TIAM1: variants seen among roughly 807,000 people sequenced by gnomAD.
The protein encoded by TIAM1 is rho guanine nucleotide exchange factor TIAM1.
A neutral mutation model predicts 163.5 loss-of-function variants in TIAM1; 65 were observed. The observed-to-expected ratio is 0.40, with a 90% CI of 0.33 to 0.49. The LOEUF is 0.49. Ranked by LOEUF, TIAM1 falls within the 20% of genes least tolerant of loss-of-function variation. The pLI is 0.77. For synonymous variants in TIAM1, 833 were observed against 810.1 expected (o/e 1.03, Z -0.48); for missense variants, 1,789 against 2,044.7 (o/e 0.87, Z 2.41).
intron 2 of TIAM1, among the ~76,000 whole-genome samples, chr21:31,421,434 T>G (rs565695877): frequency 6.6e-6 from 1 of 152,164 alleles, no homozygotes; most frequent in Admixed American, 6.6e-5. Flanking sequence ...AGGTGGGCAG[T>G]GGGCAAGCGG....
At chr21:31,273,138 G>GT (rs1293052428) in intron 3 of TIAM1, among the ~76,000 whole-genome samples, 1 of 152,166 alleles carries the variant, frequency 6.6e-6, no homozygotes, top group Admixed American at 6.5e-5. Flanking sequence ...TTAAGGGTGA[G>GT]TTTCCTATTT....
At chr21:31,185,252 G>A (rs913388769) in intron 14 of TIAM1, among the ~76,000 whole-genome samples, 3 of 151,790 alleles carry the variant, frequency 2.0e-5, no homozygotes, top group African/African-American at 7.3e-5. Context: ...AGCGAGTATA[G>A]TGGGTCGAAT....
intron 1 of TIAM1, among the ~76,000 whole-genome samples, chr21:31,548,132 C>CTT (rs553946414): frequency 1.5e-3 from 112 of 74,856 alleles, no homozygotes; most frequent in Admixed American, 1.7e-3. Context: ...TTATTTGTGT[C>CTT]TTTTTTTTTT....
chr21:31,298,304 C>T (rs1033761123), intron 2 of TIAM1, among the ~76,000 whole-genome samples: 4 of 152,170 alleles, frequency 2.6e-5, no homozygotes, highest in Non-Finnish European at 2.9e-5. Flanking sequence ...CCAACAGTAA[C>T]GAAATGGATT....
chr21:31,313,564 G>C (rs1186214791), intron 2 of TIAM1, among the ~76,000 whole-genome samples: 1 of 152,096 alleles, frequency 6.6e-6, no homozygotes, highest in Non-Finnish European at 1.5e-5. Flanking sequence ...AAAAAATTCA[G>C]GAGTTCAATA....
chr21:31,224,831 T>C (rs930405041), intron 7 of TIAM1, among the ~76,000 whole-genome samples: 3 of 152,216 alleles, frequency 2.0e-5, no homozygotes, highest in Admixed American at 6.5e-5. Context: ...ATTCATGTAA[T>C]TATTTCCTGA....
chr21:31,137,375 AT>A (rs1330461115), intron 22 of TIAM1, among the ~76,000 whole-genome samples: 6 of 152,186 alleles, frequency 3.9e-5, no homozygotes, highest in African/African-American at 7.2e-5. Context: ...GGTTAAAATA[AT>A]TTTTAAGCAG....
At chr21:31,149,398 A>G (rs1484242446) in intron 19 of TIAM1, among the ~76,000 whole-genome samples, 1 of 152,180 alleles carries the variant, frequency 6.6e-6, no homozygotes, top group Non-Finnish European at 1.5e-5. Flanking sequence ...TGGCACTCAA[A>G]AAGTTTCCAA....
intron 4 of TIAM1, among the ~76,000 whole-genome samples, chr21:31,261,017 G>A (rs1202941128): frequency 6.6e-6 from 1 of 152,116 alleles, no homozygotes; most frequent in Non-Finnish European, 1.5e-5. Context: ...AGTCATTGAA[G>A]CTCAGTTGCA....
At chr21:31,469,476 T>G (rs879880267) in intron 1 of TIAM1, among the ~76,000 whole-genome samples, 14 of 152,166 alleles carry the variant, frequency 9.2e-5, no homozygotes, top group Non-Finnish European at 1.5e-4. Flanking sequence ...TGCGATATAC[T>G]TTCCTGCCAA....
At chr21:31,425,667 CTCTT>C (rs1268395469) in intron 2 of TIAM1, among the ~76,000 whole-genome samples, 7 of 116,302 alleles carry the variant, frequency 6.0e-5, no homozygotes, top group South Asian at 3.2e-4. Flanking sequence ...CTTTCTCTCT[CTCTT>C]TCTTTCTCTC....
intron 2 of TIAM1, among the ~76,000 whole-genome samples, chr21:31,290,493 A>G (rs2073977177): frequency 6.6e-6 from 1 of 151,820 alleles, no homozygotes; most frequent in South Asian, 2.1e-4. Flanking sequence ...AAAAATATAT[A>G]AAAATTATCC....
chr21:31,185,600 A>G (rs1486117625), intron 14 of TIAM1, among the ~76,000 whole-genome samples: 2 of 144,186 alleles, frequency 1.4e-5, no homozygotes, highest in East Asian at 3.9e-4. Flanking sequence ...TATATATCAT[A>G]TAGCTATATA....
At chr21:31,348,790 T>C (rs1372731184), upstream of TIAM1, among the ~76,000 whole-genome samples, 2 of 152,306 alleles carry the variant, frequency 1.3e-5, no homozygotes, top group South Asian at 2.1e-4. Flanking sequence ...AAGGTTCACC[T>C]TTCTAGGCAA....
chr21:31,328,394 A>T (rs2075564819), intron 2 of TIAM1, among the ~76,000 whole-genome samples: 1 of 152,120 alleles, frequency 6.6e-6, no homozygotes, highest in Non-Finnish European at 1.5e-5. Context: ...TTTTTGAGAC[A>T]AGGTGTCACT....
intron 12 of TIAM1, among the ~76,000 whole-genome samples, 179 bp from the exon 13 acceptor site, chr21:31,195,484 C>T (rs763781055): frequency 3.3e-5 from 5 of 152,172 alleles, no homozygotes; most frequent in African/African-American, 4.8e-5. Context: ...TTCCAGCTGT[C>T]GTCCTCAAAC....
chr21:31,556,186 A>C (rs560473597), intron 1 of TIAM1, among the ~76,000 whole-genome samples: 14 of 152,296 alleles, frequency 9.2e-5, no homozygotes, highest in African/African-American at 2.9e-4. Flanking sequence ...TCCCAGAACA[A>C]GTACAAGAAG....
At chr21:31,448,380 G>A (rs1054517046) in intron 2 of TIAM1, among the ~76,000 whole-genome samples, 1 of 152,034 alleles carries the variant, frequency 6.6e-6, no homozygotes, top group Non-Finnish European at 1.5e-5. Context: ...GGAGGCGGGC[G>A]GATCACCTGA....
At chr21:31,493,009 TTGA>T (rs1376181317) in intron 1 of TIAM1, among the ~76,000 whole-genome samples, 1 of 152,158 alleles carries the variant, frequency 6.6e-6, no homozygotes, top group Non-Finnish European at 1.5e-5. Context: ...GTCGTTTAAG[TTGA>T]TGATGAGTAT....
Sources: allele counts gnomAD v4.1 joint callset (sites outside exome capture counted in the v4.1 genomes callset), GRCh38; gene constraint gnomAD v4.1.1; transcripts MANE v1.5; gene names NCBI Gene and HGNC (gene_info 2026-07-23, HGNC 2026-07-21).